RABEP2: variants seen among roughly 807,000 people sequenced by gnomAD.
The protein encoded by RABEP2 is rab GTPase-binding effector protein 2.
Under a neutral mutation model 74.1 loss-of-function variants are expected in RABEP2, and 57 were observed. That is an observed-to-expected ratio of 0.77 (90% confidence interval 0.62 to 0.96). The LOEUF is 0.96. Ranked by LOEUF, RABEP2 falls within the 40% of genes least tolerant of loss-of-function variation. The pLI is 0.00. For synonymous variants in RABEP2, 351 were observed against 344.0 expected, an observed-to-expected ratio of 1.02 and a Z score of -0.23; for missense variants, 692 against 756.3, an observed-to-expected ratio of 0.91 and a Z score of 1.00.
chr16:28,910,872 GC>G lies in RABEP2; in HGVS notation c.1089+15del. On this transcript the variant is annotated intron_variant, in intron 7 of 12. Coordinates refer to ENST00000358201, the MANE Select transcript of RABEP2 (RefSeq NM_024816.3). ...GGACTCCTCGCCCTCCTGCCCTAGG[GC>G]CCCCAGGTACTCACCATCTGCAGCT... is the stretch of plus-strand genomic sequence containing the variant. 4 of 1,601,368 alleles carry G rather than the reference GC, an allele frequency of 2.5e-6. No homozygotes were observed. Among genetic ancestry groups the G allele is most frequent in the South Asian group, 1.1e-5 (1 of 90,224 alleles).
Position 28,914,762 on chromosome 16 carries a change from C to A in RABEP2, c.453G>T (p.Lys151Asn). 6.2e-7 allele frequency: 1 copy of A among 1,614,160 alleles called. No homozygotes were observed. The highest frequency in any genetic ancestry group is 8.5e-7 in the Non-Finnish European group (1 of 1,180,012). Residue 151 changes from lysine to asparagine, a missense_variant, in exon 4 of 13, where the codon AAG becomes AAT. Physicochemically the swap from Lys to Asn is moderately conservative, Grantham distance 94. Transcript: ENST00000358201. Reference sequence around the variant, plus strand: ...CCATGGGCAGTACGATCTCCCGCAGCTTCTCCGAGTCCTCGTGGGCCTGGA... The same window carrying A: ...CCATGGGCAGTACGATCTCCCGCAGATTCTCCGAGTCCTCGTGGGCCTGGA... ...QMEKAHEDSE[K>N]LREIVLPMEK...
chr16:28,905,777 G>T lies in RABEP2; in HGVS notation c.1436-18C>A, dbSNP rs771612225. The T allele has an allele frequency of 9.9e-6, 16 of 1,613,826 alleles. No homozygotes were observed. The South Asian group carries it at 1.3e-4, about 13-fold the overall frequency. ...CAGGGAGGCTGGGAAGTCAGGGCAG[G>T]GGGAGACGTCAGGGCCATGCCCTCT... On this transcript the variant is annotated intron_variant, in intron 10 of 12. Transcript: ENST00000358201.
In RABEP2 at chr16:28,924,391, C is replaced by G. The variant is rs749218739; in HGVS notation, c.274+12G>C. ...GGGTTGATGGGGAGTCTAGGTGAGT[C>G]CCGCGTCTCACCTTTCAGGATGGCC... is the stretch of plus-strand genomic sequence containing the variant. On this transcript the variant is annotated intron_variant, in intron 2 of 12. Transcript: ENST00000358201. 10 of 1,608,874 alleles carry G rather than the reference C, an allele frequency of 6.2e-6. No homozygotes were observed. In the Admixed American group the frequency reaches 1.7e-4, roughly 27 times the overall value.
At chr16:28,909,930 G>A (rs1009545167) in intron 7 of RABEP2, among the ~76,000 whole-genome samples, 3 of 150,734 alleles carry the variant, frequency 2.0e-5, no homozygotes, top group African/African-American at 7.3e-5. Flanking sequence ...TCGGGAGGCT[G>A]AGGCAGGAGA....
Position 28,905,864 on chromosome 16 carries a change from C to T in RABEP2, c.1435+3G>A. 6.2e-7 allele frequency: 1 copy of T among 1,613,896 alleles called. No homozygotes were observed. The highest frequency in any genetic ancestry group is 8.5e-7 in the Non-Finnish European group (1 of 1,180,034). ...CCCAAGATCACCTCCAGCACACACT[C>T]ACCCTCCAGCACCTCTGTGGGAAGG... On this transcript the variant is annotated splice_donor_region_variant and intron_variant, in intron 10 of 12. Coordinates refer to ENST00000358201, the MANE Select transcript of RABEP2 (RefSeq NM_024816.3).
intron 2 of RABEP2, chr16:28,924,064 G>T: frequency 2.9e-6 from 1 of 350,678 alleles, no homozygotes. Flanking sequence ...TTTCCCAGAA[G>T]TCCAGACTAA....
rs769287179 is a variant in RABEP2 at position 28,906,036 on chromosome 16, AC to A, written c.1405del (p.Val469CysfsTer16). On this transcript the variant is annotated frameshift_variant, in exon 9 of 13. Transcript: ENST00000358201. LOFTEE classifies it high-confidence loss of function. ...ARASLEGQLR[V>X]QREETEVLEA... is the part of the protein sequence containing the mutation. Reference sequence around the variant, plus strand: ...CCCCTCACCTGTCTCCTCCCGCTGCACCCTCAGCTGCCCCTCCAGGCTGGCC... The same window carrying A: ...CCCCTCACCTGTCTCCTCCCGCTGCACCTCAGCTGCCCCTCCAGGCTGGCC... 3.7e-6 allele frequency: 6 copies of A among 1,603,216 alleles called. No individual in the cohort carries two copies. The highest frequency in any genetic ancestry group is 4.3e-6 in the Non-Finnish European group (5 of 1,175,864).
intron 3 of RABEP2, among the ~76,000 whole-genome samples, chr16:28,918,702 G>A (rs1964428291): frequency 6.6e-6 from 1 of 151,910 alleles, no homozygotes; most frequent in Non-Finnish European, 1.5e-5. Flanking sequence ...CATCCAAGCT[G>A]GAGTGCAGTG....
rs1225762408 is a variant in RABEP2 at position 28,914,759 on chromosome 16, CAGCTTCTCCG to C, written c.446_455del (p.Ser149CysfsTer15). 1 of 1,614,190 alleles carries C rather than the reference CAGCTTCTCCG, an allele frequency of 6.2e-7. No individual in the cohort carries two copies. Among genetic ancestry groups the C allele is most frequent in the South Asian group, 1.1e-5 (1 of 91,082 alleles). ...TTTCCATGGGCAGTACGATCTCCCG[CAGCTTCTCCG>C]AGTCCTCGTGGGCCTGGAGGGAGCG... On this transcript the variant is annotated frameshift_variant, in exon 4 of 13. Transcript: ENST00000358201. LOFTEE classifies it high-confidence loss of function.
rs139000086 is a variant in RABEP2, at chr16:28,922,619, G to T, written c.274+1784C>A. Among the ~76,000 whole-genome samples, 710 of 152,282 alleles carry T rather than the reference G, an allele frequency of 4.7e-3. 6 individuals are homozygous for T. The highest frequency in any genetic ancestry group is 0.015 in the African/African-American group (613 of 41,554). ...GAGCACCTGTAGTCCCAGCTGGTTG[G>T]GAGGCTGAGGCAGGAGAATAGCATG... On this transcript the variant is annotated intron_variant, in intron 2 of 12. Coordinates refer to ENST00000358201, the MANE Select transcript of RABEP2 (RefSeq NM_024816.3).
At chr16:28,906,521 T>C (rs1808621715) in intron 8 of RABEP2, among the ~76,000 whole-genome samples, 1 of 152,026 alleles carries the variant, frequency 6.6e-6, no homozygotes, top group Non-Finnish European at 1.5e-5. Flanking sequence ...TCTCAGTACT[T>C]TGGGAGGCTG....
chr16:28,911,261 G>A (rs543809091), intron 5 of RABEP2, 82 bp from the exon 6 acceptor site: 2 of 1,279,674 alleles, frequency 1.6e-6, no homozygotes, highest in East Asian at 2.4e-5. Flanking sequence ...ACCTCTGCAG[G>A]GAGGTGCCCT....
chr16:28,915,552 TAC>T (rs1268285512), intron 3 of RABEP2, among the ~76,000 whole-genome samples: 1 of 152,098 alleles, frequency 6.6e-6, no homozygotes, highest in Non-Finnish European at 1.5e-5. Context: ...GTATTATTAT[TAC>T]ATTTTTTTGA....
At chr16:28,922,678 T>A (rs2152224048) in intron 2 of RABEP2, among the ~76,000 whole-genome samples, 1 of 148,084 alleles carries the variant, frequency 6.8e-6, no homozygotes, top group East Asian at 2.0e-4. Flanking sequence ...TAAGCCAAGA[T>A]CACACCACTG....
At chr16:28,913,936 C>CTT (rs78683101) in intron 5 of RABEP2, among the ~76,000 whole-genome samples, 2 of 136,664 alleles carry the variant, frequency 1.5e-5, no homozygotes, top group Admixed American at 7.5e-5. Context: ...GTATACTTGG[C>CTT]TTTTTTTTTT....
intron 3 of RABEP2, among the ~76,000 whole-genome samples, chr16:28,915,325 C>G (rs1230141094): frequency 6.6e-6 from 1 of 150,716 alleles, no homozygotes; most frequent in African/African-American, 2.4e-5. Flanking sequence ...TCCCAAGGTG[C>G]TGGCATTACA....
Position 28,919,952 on chromosome 16 carries a change from GGAGAGGGAGGGTGGGA to G in RABEP2, c.275-25_275-10del, listed in dbSNP as rs1964447816. 1.3e-6 allele frequency: 2 copies of G among 1,576,908 alleles called. No individual in the cohort carries two copies. The highest frequency in any genetic ancestry group is 1.7e-6 in the Non-Finnish European group (2 of 1,154,490). On this transcript the variant is annotated splice_polypyrimidine_tract_variant and intron_variant, in intron 2 of 12. Transcript: ENST00000358201. Reference sequence around the variant, plus strand: ...ATAGCTGCTGATGGAGTCTGGTGGGGGAGAGGGAGGGTGGGAGAGAGGGAGGGTCAATGAGCCAGCC... The same window carrying G: ...ATAGCTGCTGATGGAGTCTGGTGGGGGAGAGGGAGGGTCAATGAGCCAGCC...
At chr16:28,920,537 C>G (rs1042685006) in intron 2 of RABEP2, among the ~76,000 whole-genome samples, 16 of 151,916 alleles carry the variant, frequency 1.1e-4, no homozygotes, top group African/African-American at 3.9e-4. Flanking sequence ...AGGCGCCCAC[C>G]ACCACCCCTG....
At chr16:28,905,109 C>T (rs555108085) in intron 12 of RABEP2, 65 bp from the exon 13 acceptor site, 1 of 1,403,240 alleles carries the variant, frequency 7.1e-7, no homozygotes, top group African/African-American at 1.4e-5. Context: ...CCCCACCTGC[C>T]AGCCCCCAAG....
Sources: allele counts gnomAD v4.1 joint callset (sites outside exome capture counted in the v4.1 genomes callset), GRCh38; gene constraint gnomAD v4.1.1; transcripts MANE v1.5; gene names NCBI Gene and HGNC (gene_info 2026-07-23, HGNC 2026-07-21).